Variants in UNC13C observed in about 807,000 individuals in gnomAD.
The protein encoded by UNC13C is protein unc-13 homolog C.
UNC13C carries 174 observed loss-of-function variants against 245.4 expected under a neutral mutation model. The observed-to-expected ratio is 0.71, with a 90% CI of 0.63 to 0.80. UNC13C has a LOEUF of 0.80. Among genes scored for constraint, UNC13C ranks in the 30% least tolerant of loss-of-function variants. The pLI, the probability that UNC13C is intolerant of heterozygous loss-of-function variation, is 0.00. For missense variants in UNC13C, 2,829 were observed against 2,602.9 expected (o/e 1.09, Z -1.89); for synonymous variants, 992 against 895.1 (o/e 1.11, Z -1.93).
intron 19 of UNC13C, among the ~76,000 whole-genome samples, chr15:54,457,587 T>G (rs1891601159): frequency 6.6e-6 from 1 of 152,230 alleles, no homozygotes; most frequent in African/African-American, 2.4e-5. Context: ...TTCTATTTTT[T>G]CCTGGTTTAA....
intron 19 of UNC13C, among the ~76,000 whole-genome samples, chr15:54,457,248 A>G (rs1231874507): frequency 1.3e-5 from 2 of 152,064 alleles, no homozygotes; most frequent in Admixed American, 6.5e-5. Flanking sequence ...ATGGCATGTT[A>G]TCTTTTTGAC....
intron 10 of UNC13C, among the ~76,000 whole-genome samples, chr15:54,284,506 G>T (rs1344738664): frequency 6.6e-6 from 1 of 152,168 alleles, no homozygotes; most frequent in Non-Finnish European, 1.5e-5. Flanking sequence ...TTCACCAGAG[G>T]AGTAGGGAAA....
At chr15:54,071,885 C>G (rs11071024) in intron 2 of UNC13C, among the ~76,000 whole-genome samples, 19 of 151,832 alleles carry the variant, frequency 1.3e-4, no homozygotes, top group African/African-American at 4.4e-4. Context: ...TGACCCCTGG[C>G]CTGACTTACT....
At chr15:54,025,370 A>G (rs1896067046) in intron 2 of UNC13C, among the ~76,000 whole-genome samples, 1 of 152,350 alleles carries the variant, frequency 6.6e-6, no homozygotes, top group African/African-American at 2.4e-5. Flanking sequence ...AATACTGGGT[A>G]ACATTTATTA....
At chr15:54,306,405 G>A (rs976504815) in intron 13 of UNC13C, among the ~76,000 whole-genome samples, 2 of 151,984 alleles carry the variant, frequency 1.3e-5, no homozygotes, top group African/African-American at 4.8e-5. Context: ...ATGATAGGCT[G>A]TTCCCCTTCT....
chr15:53,989,232 A>G (rs1369841937), intron 1 of UNC13C, among the ~76,000 whole-genome samples: 1 of 151,926 alleles, frequency 6.6e-6, no homozygotes, highest in Non-Finnish European at 1.5e-5. Flanking sequence ...TAGACACTGT[A>G]TCTCAATTGC....
At chr15:54,578,222 G>A (rs1475562201) in intron 30 of UNC13C, among the ~76,000 whole-genome samples, 2 of 152,144 alleles carry the variant, frequency 1.3e-5, no homozygotes, top group Non-Finnish European at 2.9e-5. Flanking sequence ...TGATGCTGTG[G>A]GGAAATTATC....
At chr15:54,234,010 T>A (rs1209042422) in intron 4 of UNC13C, among the ~76,000 whole-genome samples, 1 of 152,178 alleles carries the variant, frequency 6.6e-6, no homozygotes, top group Non-Finnish European at 1.5e-5. Context: ...TCAAACTCAT[T>A]CCAGAGAAAC....
intron 4 of UNC13C, among the ~76,000 whole-genome samples, chr15:54,196,528 G>A (rs56874072): frequency 7.2e-5 from 11 of 152,096 alleles, no homozygotes; most frequent in African/African-American, 2.4e-4. Context: ...AGGACAGTAC[G>A]AAGCAGGAAA....
intron 4 of UNC13C, among the ~76,000 whole-genome samples, chr15:54,230,472 T>A (rs199674225): frequency 4.8e-5 from 2 of 41,390 alleles, no homozygotes; most frequent in East Asian, 1.3e-3. Flanking sequence ...AAAATAATAA[T>A]TAATCTCTAC....
At position 54,015,789 on chromosome 15, in the gene UNC13C, C is replaced by A; in HGVS notation, c.2886C>A (p.Ile962=). The change falls in exon 2 of 33, where the codon ATC becomes ATA. Residue 962 remains isoleucine, a synonymous_variant. Coordinates refer to ENST00000260323, the MANE Select transcript of UNC13C (RefSeq NM_001080534.3). ...ACATTCCTGAACAGCCAGTGGAGAT[C>A]ACAAAGCCAAAGAGAATTCGTCCTT... ...NQNIPEQPVE[I]TKPKRIRPSF... 6.2e-7 allele frequency: 1 copy of A among 1,612,044 alleles called. No homozygotes were observed. The highest frequency in any genetic ancestry group is 1.1e-5 in the South Asian group (1 of 90,806).
At chr15:54,440,343 C>G (rs1254355781) in intron 19 of UNC13C, among the ~76,000 whole-genome samples, 2 of 151,906 alleles carry the variant, frequency 1.3e-5, no homozygotes, top group Admixed American at 6.6e-5. Context: ...TGAAAACAAA[C>G]AAATACTCTC....
intron 4 of UNC13C, among the ~76,000 whole-genome samples, chr15:54,188,305 A>G (rs1170068873): frequency 6.6e-6 from 1 of 152,206 alleles, no homozygotes; most frequent in East Asian, 1.9e-4. Context: ...GATAAACCCA[A>G]AATGTATTAA....
the UNC13C span, among the ~76,000 whole-genome samples, chr15:53,952,012 G>A: frequency 1.3e-5 from 2 of 152,130 alleles, no homozygotes; most frequent in South Asian, 4.1e-4. Flanking sequence ...GCTTTGCATA[G>A]CATCCTATAC....
the UNC13C span, among the ~76,000 whole-genome samples, chr15:53,968,327 A>T: frequency 6.6e-6 from 1 of 152,298 alleles, no homozygotes; most frequent in African/African-American, 2.4e-5. Context: ...TGCAGTTCAC[A>T]GTTGTTCTTA....
intron 6 of UNC13C, among the ~76,000 whole-genome samples, chr15:54,236,654 A>G (rs897954213): frequency 6.6e-5 from 10 of 152,220 alleles, no homozygotes; most frequent in Non-Finnish European, 4.4e-5. Flanking sequence ...GGATACAAGT[A>G]TAGTTTTAGG....
At chr15:54,127,326 C>A (rs1433419791) in intron 2 of UNC13C, among the ~76,000 whole-genome samples, 1 of 152,002 alleles carries the variant, frequency 6.6e-6, no homozygotes, top group Non-Finnish European at 1.5e-5. Flanking sequence ...CAATGATAGA[C>A]TGGATAAAGA....
chr15:54,344,492 A>G (rs1372536646), intron 17 of UNC13C, among the ~76,000 whole-genome samples: 9 of 152,140 alleles, frequency 5.9e-5, no homozygotes, highest in East Asian at 3.9e-4. Flanking sequence ...AATTTTGTCA[A>G]TGTAGGGAAT....
At chr15:54,062,341 AT>A (rs1260287142) in intron 2 of UNC13C, among the ~76,000 whole-genome samples, 136 of 150,992 alleles carry the variant, frequency 9.0e-4, no homozygotes, top group African/African-American at 3.0e-3. Flanking sequence ...AAAAAAAAAA[AT>A]CTCCATCCTC....
Sources: allele counts gnomAD v4.1 joint callset (sites outside exome capture counted in the v4.1 genomes callset), GRCh38; gene constraint gnomAD v4.1.1; transcripts MANE v1.5; gene names NCBI Gene and HGNC (gene_info 2026-07-23, HGNC 2026-07-21).